HADHA: variants seen among roughly 807,000 people sequenced by gnomAD.
HADHA encodes the protein trifunctional enzyme subunit alpha, mitochondrial.
HADHA carries 59 observed loss-of-function variants against 91.3 expected under a neutral mutation model. The observed-to-expected ratio is 0.65, with a 90% CI of 0.52 to 0.80. HADHA has a LOEUF of 0.80. HADHA is among the 30% of genes least tolerant of loss of function. The pLI is 0.00. For missense variants in HADHA, 800 were observed against 927.6 expected, an observed-to-expected ratio of 0.86 and a Z score of 1.79; for synonymous variants, 320 against 338.9, an observed-to-expected ratio of 0.94 and a Z score of 0.61.
At chr2:26,218,205 T>C (rs1236217106) in intron 7 of HADHA, among the ~76,000 whole-genome samples, 1 of 151,092 alleles carries the variant, frequency 6.6e-6, no homozygotes, top group Non-Finnish European at 1.5e-5. Context: ...GAGGCTGAGA[T>C]AGGAGAATCA....
In HADHA at chr2:26,229,359, C is replaced by CACACAG. The variant is rs1670561851; in HGVS notation, c.676+832_676+833insCTGTGT. 6.6e-6 allele frequency among the ~76,000 whole-genome samples: 1 copy of CACACAG among 151,484 alleles called. No individual in the cohort carries two copies. ...ACATGTGTGCGCGCGCACACACACACACACACACACACACAAAATTAATAC... is the reference window on the plus strand; with the variant it reads ...ACATGTGTGCGCGCGCACACACACACACACAGACACACACACACACAAAATTAATAC... On this transcript the variant is annotated intron_variant, in intron 7 of 19. Coordinates refer to ENST00000380649, the MANE Select transcript of HADHA (RefSeq NM_000182.5). This position sits in a 1 kb window ranked among gnomAD's most constrained non-coding sequence, Gnocchi z 4.3.
At chr2:26,237,090 G>T in intron 3 of HADHA, 102 bp from the exon 4 acceptor site, 1 of 868,288 alleles carries the variant, frequency 1.2e-6, no homozygotes, top group Non-Finnish European at 2.0e-6. Flanking sequence ...ATACTTATCC[G>T]GCAGAAATAT....
chr2:26,195,103 T>G lies in HADHA; in HGVS notation c.1609A>C (p.Ile537Leu). 6.2e-7 allele frequency: 1 copy of G among 1,613,478 alleles called. No individual in the cohort carries two copies. Among genetic ancestry groups the G allele is most frequent in the South Asian group, 1.1e-5 (1 of 91,048 alleles). Residue 537 changes from isoleucine to leucine, a missense_variant, in exon 15 of 20, where the codon ATT (isoleucine) becomes CTT (leucine). Transcript: ENST00000380649. ...ATACAGCCCCTTACCTTAACCACAA[T>G]GATGACCTTCCCCTGCTTGAGACCA... is the stretch of plus-strand genomic sequence containing the variant. Reference protein sequence around the residue: ...AVGLKQGKVIIVVKDGPGFYT... With the variant: ...AVGLKQGKVILVVKDGPGFYT...
At position 26,228,191 on chromosome 2, in the gene HADHA, C is replaced by T. The variant is rs1314560039; in HGVS notation, c.676+2001G>A. ...TGTCACCCAGGCTGGAGTGCAGTGG[C>T]ACAATCTTGGCTCACGGCAACCTCC... On this transcript the variant is annotated intron_variant, in intron 7 of 19. Coordinates refer to ENST00000380649, the MANE Select transcript of HADHA (RefSeq NM_000182.5). Among the ~76,000 whole-genome samples, 3 of 151,326 alleles carry T rather than the reference C, an allele frequency of 2.0e-5. No individual in the cohort carries two copies. The East Asian group carries it at 5.9e-4, about 30-fold the overall frequency.
Position 26,239,156 on chromosome 2 carries a change from A to G in HADHA, c.68-13T>C, listed in dbSNP as rs182123964. 150 of 1,571,242 alleles carry G rather than the reference A, an allele frequency of 9.5e-5. No individual in the cohort carries two copies. Among genetic ancestry groups the G allele is most frequent in the Middle Eastern group, 1.7e-4 (1 of 5,930 alleles). On this transcript the variant is annotated splice_polypyrimidine_tract_variant and intron_variant, in intron 1 of 19. Transcript: ENST00000380649. ...CGGCATATATAACCTGTAAGAAAAG[A>G]CATTTCAAAATTAATTTGCGAAACA...
Position 26,239,102 on chromosome 2 carries a change from T to C in HADHA, c.109A>G (p.Thr37Ala). The change falls in exon 2 of 20, where the codon ACC (threonine) becomes GCC (alanine). Residue 37 changes from threonine to alanine, a missense_variant and splice_region_variant. Transcript: ENST00000380649. ...CACATTAAAAAGAAATTAAACTTAC[T>C]CAGCAAAGCAGAAGACCCTGTAAAA... ...RNFTGSSALL[T>A]RTHINYGVKG... is the part of the protein sequence containing the mutation. 6.2e-7 allele frequency: 1 copy of C among 1,604,560 alleles called. No individual in the cohort carries two copies. The highest frequency in any genetic ancestry group is 8.5e-7 in the Non-Finnish European group (1 of 1,171,420).
At position 26,194,649 on chromosome 2, in the gene HADHA, A is replaced by G; in HGVS notation, c.1621-11T>C. On this transcript the variant is annotated splice_polypyrimidine_tract_variant and intron_variant, in intron 15 of 19. Transcript: ENST00000380649. Reference sequence around the variant, plus strand: ...GAAGCCAGGTCCATCCTGCCAAGGAAGAGAACATGAGCTCCCTGGCCCTGC... The same window carrying G: ...GAAGCCAGGTCCATCCTGCCAAGGAGGAGAACATGAGCTCCCTGGCCCTGC... 1 of 1,586,706 alleles carries G rather than the reference A, an allele frequency of 6.3e-7. No individual in the cohort carries two copies. The highest frequency in any genetic ancestry group is 8.7e-7 in the Non-Finnish European group (1 of 1,155,776).
intron 17 of HADHA, among the ~76,000 whole-genome samples, chr2:26,193,331 G>C (rs991084431): frequency 3.4e-5 from 4 of 119,326 alleles, no homozygotes; most frequent in Admixed American, 1.0e-4. Flanking sequence ...GCCTCGCCAT[G>C]TTGCCCAGGC....
rs1481476342 is a variant in HADHA at position 26,201,181 on chromosome 2, G to T, written c.1360C>A (p.Leu454Ile). Residue 454 changes from leucine (L) to isoleucine (I), a missense_variant, in exon 13 of 20, where the codon CTT (leucine) becomes ATT (isoleucine). Leu to Ile is a conservative substitution (Grantham distance 5). Transcript: ENST00000380649. ...ACTTCCTTTAGCACTCTGTGCTTAAGACTAAGGTCCTCAAACACAGCTTCA... is the reference window on the plus strand; with the variant it reads ...ACTTCCTTTAGCACTCTGTGCTTAATACTAAGGTCCTCAAACACAGCTTCA... ...VIEAVFEDLS[L>I]KHRVLKEVEA... 1 of 1,613,818 alleles carries T rather than the reference G, an allele frequency of 6.2e-7. No individual in the cohort carries two copies. Among genetic ancestry groups the T allele is most frequent in the Non-Finnish European group, 8.5e-7 (1 of 1,179,814 alleles).
At position 26,214,613 on chromosome 2, in the gene HADHA, T is replaced by A; in HGVS notation, c.800-52A>T. The stretch of plus-strand genomic sequence containing the variant: ...TTACTATAAAGAGCCTAGATTCCCT[T>A]GTTAGTTTATGCTCTAAACTCTATA... On this transcript the variant is annotated intron_variant, in intron 8 of 19. Coordinates refer to ENST00000380649, the MANE Select transcript of HADHA (RefSeq NM_000182.5). The surrounding 1 kb of genome is among the most constrained non-coding windows in gnomAD (Gnocchi z 4.1). 1 of 935,062 alleles carries A rather than the reference T, an allele frequency of 1.1e-6. No individual in the cohort carries two copies. Among genetic ancestry groups the A allele is most frequent in the Admixed American group, 1.7e-5 (1 of 58,858 alleles). The allele number at this position is 935,062 out of a possible 1,614,324, so 57.9% of individuals were successfully genotyped here. A position where few individuals can be genotyped will look rare whatever the true frequency, so the allele number is the denominator to read the frequency against.
intron 4 of HADHA, chr2:26,234,997 A>T (rs989998977): frequency 1.3e-5 from 2 of 152,362 alleles, no homozygotes; most frequent in African/African-American, 2.4e-5. Flanking sequence ...ATTTTAACAG[A>T]TCCCACTAAT....
chr2:26,195,043 T>G (rs1669625378), intron 15 of HADHA, 49 bp downstream of exon 15: 2 of 1,459,542 alleles, frequency 1.4e-6, no homozygotes, highest in Non-Finnish European at 1.9e-6. Context: ...AAAAGGAGTC[T>G]TATTAGAACT....
intron 13 of HADHA, among the ~76,000 whole-genome samples, chr2:26,198,879 A>G (rs72849171): frequency 1.4e-3 from 212 of 151,662 alleles, no homozygotes; most frequent in African/African-American, 4.8e-3. Flanking sequence ...GTGAGACCCT[A>G]TATCTACAAA....
chr2:26,193,425 G>T, intron 17 of HADHA, 152 bp downstream of exon 17: 1 of 761,848 alleles, frequency 1.3e-6, no homozygotes, highest in African/African-American at 1.7e-5. Flanking sequence ...TACCGCACCT[G>T]ACTCATAAAA....
At chr2:26,194,453 G>C (rs1669604484) in intron 16 of HADHA, 117 bp downstream of exon 16, 3 of 759,628 alleles carry the variant, frequency 3.9e-6, no homozygotes, top group African/African-American at 1.7e-5. Context: ...GACCTTCCTA[G>C]ACAAGAGCAG....
In HADHA at chr2:26,230,578, T is replaced by C. The variant is rs546645481; in HGVS notation, c.574-284A>G. On this transcript the variant is annotated intron_variant, in intron 6 of 19. Coordinates refer to ENST00000380649, the MANE Select transcript of HADHA (RefSeq NM_000182.5). ...TAAAGAATTTCATGTTTCCTAAAAT[T>C]GTACATTTCTGTTATTCTGAGGGGT... Among the ~76,000 whole-genome samples, 702 of 152,264 alleles carry C rather than the reference T, an allele frequency of 4.6e-3. 3 individuals are homozygous for C. Among genetic ancestry groups the C allele is most frequent in the African/African-American group, 0.016 (683 of 41,546 alleles).
In HADHA at chr2:26,191,171, C is replaced by T. The variant is rs1358459584; in HGVS notation, c.*79G>A. 1.8e-5 allele frequency: 26 copies of T among 1,422,006 alleles called. No homozygotes were observed. Among genetic ancestry groups the T allele is most frequent in the East Asian group, 4.5e-5 (2 of 44,004 alleles). 88.1% of individuals were successfully genotyped at this position (1,422,006 alleles called of 1,614,324 possible). Reference sequence around the variant, plus strand: ...TTGTCTTCTCGTTACTCTGATAAATCTAGACACCACTCTGTTGGAGAACCA... The same window carrying T: ...TTGTCTTCTCGTTACTCTGATAAATTTAGACACCACTCTGTTGGAGAACCA... On this transcript the variant is annotated 3_prime_UTR_variant, in exon 20 of 20. Transcript: ENST00000380649.
At chr2:26,200,735 C>CT (rs11347603) in intron 13 of HADHA, among the ~76,000 whole-genome samples, 16 of 139,022 alleles carry the variant, frequency 1.2e-4, no homozygotes, top group East Asian at 2.1e-4. Flanking sequence ...AACAAAAAGT[C>CT]TTTTTTTTTT....
intron 7 of HADHA, among the ~76,000 whole-genome samples, chr2:26,217,327 G>C (rs147766187): frequency 1.3e-5 from 2 of 152,182 alleles, no homozygotes; most frequent in African/African-American, 4.8e-5. Flanking sequence ...TTCATTTTTG[G>C]GCAATATCAA....
Sources: allele counts gnomAD v4.1 joint callset (sites outside exome capture counted in the v4.1 genomes callset), GRCh38; gene constraint gnomAD v4.1.1; non-coding constraint Gnocchi (gnomAD v3.1); transcripts MANE v1.5; gene names NCBI Gene and HGNC (gene_info 2026-07-23, HGNC 2026-07-21).